Variants in DPEP1 observed in about 807,000 individuals in gnomAD.
The protein encoded by DPEP1 is dipeptidase 1.
Under a neutral mutation model 42.3 loss-of-function variants are expected in DPEP1, and 50 were observed. The observed-to-expected ratio is 1.18, with a 90% CI of 0.94 to 1.50. DPEP1 has a LOEUF of 1.50. DPEP1 is among the 40% of genes most tolerant of loss of function. The probability of loss-of-function intolerance (pLI) is 0.00; values close to 1 mark genes in which losing one functional copy is unlikely to be tolerated. For missense variants in DPEP1, 663 were observed against 553.0 expected, an observed-to-expected ratio of 1.20 and a Z score of -1.99; for synonymous variants, 297 against 234.0, an observed-to-expected ratio of 1.27 and a Z score of -2.46.
intron 1 of DPEP1, chr16:89,626,512 G>A (rs935873511): frequency 6.6e-6 from 1 of 152,100 alleles, no homozygotes; most frequent in African/African-American, 2.4e-5. Context: ...CACCGCGCCT[G>A]GCTAATTTTG....
At position 89,637,204 on chromosome 16, in the gene DPEP1, C is replaced by T. The variant is rs756123071; in HGVS notation, c.592C>T (p.Arg198Cys). Residue 198 changes from arginine to cysteine, a missense_variant and splice_region_variant, in exon 7 of 11, where the codon CGT (arginine) becomes TGT (cysteine). Physicochemically the swap from Arg to Cys is radical, Grantham distance 180. Coordinates refer to ENST00000690203, the MANE Select transcript of DPEP1 (RefSeq NM_001389466.1). ...GGTGGACGGAGCCCTGTCTTCCCAG[C>T]GTGTGGTGAAGGAGCTGAACCGTCT... ...QSQGLSPFGQ[R>C]VVKELNRLGV... is the part of the protein sequence containing the mutation. 18 of 1,611,210 alleles carry T rather than the reference C, an allele frequency of 1.1e-5. No individual in the cohort carries two copies. The highest frequency in any genetic ancestry group is 1.6e-4 in the Middle Eastern group (1 of 6,066).
Position 89,629,509 on chromosome 16 carries a change from A to AC in DPEP1, c.-106-787dup, listed in dbSNP as rs61452150. ...CCTCCTTCCCTGCCGGGCTCCCCCCACCCCCCCCCGAAGCCTCTGACCAGT... is the reference window on the plus strand; with the variant it reads ...CCTCCTTCCCTGCCGGGCTCCCCCCACCCCCCCCCCGAAGCCTCTGACCAGT... On this transcript the variant is annotated intron_variant, in intron 1 of 10. Transcript: ENST00000690203. 1.3e-3 allele frequency among the ~76,000 whole-genome samples: 144 copies of AC among 106,944 alleles called. No homozygotes were observed. In the South Asian group the frequency reaches 0.017, roughly 13 times the overall value. The allele number at this position is 106,944 out of a possible 152,430, so 70.2% of individuals were successfully genotyped here. A position where few individuals can be genotyped will look rare whatever the true frequency, so the allele number is the denominator to read the frequency against.
Position 89,637,366 on chromosome 16 carries a change from G to T in DPEP1, c.754G>T (p.Val252Phe). The change falls in exon 7 of 11, where the codon GTC becomes TTC. Residue 252 changes from valine to phenylalanine, a missense_variant. Coordinates refer to ENST00000690203, the MANE Select transcript of DPEP1 (RefSeq NM_001389466.1). ...AAGCCGGCGCAACGTGCCTGACGACGTCCTGAGGCTGGTGGTGAGGGCCGA... is the reference window on the plus strand; with the variant it reads ...AAGCCGGCGCAACGTGCCTGACGACTTCCTGAGGCTGGTGGTGAGGGCCGA... The part of the protein sequence containing the change: ...CASRRNVPDD[V>F]LRLVKQTDSL... 6.2e-7 allele frequency: 1 copy of T among 1,612,234 alleles called. No individual in the cohort carries two copies. Among genetic ancestry groups the T allele is most frequent in the Non-Finnish European group, 8.5e-7 (1 of 1,179,920 alleles).
chr16:89,640,235 T>C (rs2059733373), downstream of DPEP1, among the ~76,000 whole-genome samples: 2 of 151,906 alleles, frequency 1.3e-5, no homozygotes, highest in South Asian at 4.2e-4. Context: ...GCCCTGGGGG[T>C]GAGGGGACTG....
At chr16:89,614,329 C>A (rs1029914296) in intron 1 of DPEP1, among the ~76,000 whole-genome samples, 1 of 152,152 alleles carries the variant, frequency 6.6e-6, no homozygotes, top group Non-Finnish European at 1.5e-5. Flanking sequence ...GCTCACGTAC[C>A]CCTTCCTCCA....
chr16:89,617,575 C>T (rs929623001), intron 1 of DPEP1, among the ~76,000 whole-genome samples: 15 of 151,904 alleles, frequency 9.9e-5, no homozygotes, highest in African/African-American at 2.9e-4. Flanking sequence ...CGGCCGGGCG[C>T]GGCGGCTCAC....
chr16:89,625,619 TGC>T (rs982705209), intron 1 of DPEP1, among the ~76,000 whole-genome samples: 4 of 152,040 alleles, frequency 2.6e-5, no homozygotes, highest in African/African-American at 9.7e-5. Flanking sequence ...GGAGGGAGGT[TGC>T]AGAGTCCAGA....
rs918772442 is a variant in DPEP1 at position 89,614,010 on chromosome 16, G to A, written c.-107+291G>A. On this transcript the variant is annotated intron_variant, in intron 1 of 10. Transcript: ENST00000690203. ...ACCAGGTGTGTGGGGCAGGGGACGCGGCTGCTTCCTGGGATTCTAGGAAAC... is the reference window on the plus strand; with the variant it reads ...ACCAGGTGTGTGGGGCAGGGGACGCAGCTGCTTCCTGGGATTCTAGGAAAC... 3.3e-5 allele frequency among the ~76,000 whole-genome samples: 5 copies of A among 150,028 alleles called. 1 individual carries two copies. The highest frequency in any genetic ancestry group is 9.9e-5 in the African/African-American group (4 of 40,602).
At chr16:89,615,599 TCAGAGCCCACAGG>T (rs931601408) in intron 1 of DPEP1, among the ~76,000 whole-genome samples, 7 of 152,100 alleles carry the variant, frequency 4.6e-5, no homozygotes, top group Non-Finnish European at 1.0e-4. Flanking sequence ...TCCCAGGTCT[TCAGAGCCCACAGG>T]CAGAGCCCAC....
chr16:89,614,617 AC>A (rs2059363701), intron 1 of DPEP1, among the ~76,000 whole-genome samples: 1 of 152,014 alleles, frequency 6.6e-6, no homozygotes, highest in Non-Finnish European at 1.5e-5. Flanking sequence ...ACACGGTGAA[AC>A]CCCGTCTCTA....
intron 1 of DPEP1, among the ~76,000 whole-genome samples, chr16:89,618,873 C>T (rs1256909681): frequency 2.0e-5 from 3 of 151,866 alleles, no homozygotes; most frequent in Non-Finnish European, 4.4e-5. Context: ...GTACGCACAT[C>T]CCACCAGCAC....
chr16:89,630,482 G>C lies in DPEP1; in HGVS notation c.72G>C (p.Glu24Asp). 1 of 1,607,612 alleles carries C rather than the reference G, an allele frequency of 6.2e-7. No individual in the cohort carries two copies. The highest frequency in any genetic ancestry group is 1.4e-5 in the African/African-American group (1 of 73,882). Residue 24 changes from glutamate to aspartate, a missense_variant, in exon 2 of 11, where the codon GAG (glutamate) becomes GAC (aspartate). Glu to Asp is a conservative substitution (Grantham distance 45). Coordinates refer to ENST00000690203, the MANE Select transcript of DPEP1 (RefSeq NM_001389466.1). ...CAGACTTCTTTCGGGACGAGGCAGAGAGGATCATGAGGGACTCCCCTGTCA... is the reference window on the plus strand; with the variant it reads ...CAGACTTCTTTCGGGACGAGGCAGACAGGATCATGAGGGACTCCCCTGTCA... ...CTADFFRDEA[E>D]RIMRDSPVID... is the part of the protein sequence containing the mutation.
chr16:89,637,634 C>T lies in DPEP1; in HGVS notation c.856C>T (p.His286Tyr). The T allele has an allele frequency of 1.2e-6, 2 of 1,612,954 alleles. No homozygotes were observed. Among genetic ancestry groups the T allele is most frequent in the African/African-American group, 1.3e-5 (1 of 75,062 alleles). The change falls in exon 9 of 11, where the codon CAT becomes TAT. Residue 286 changes from histidine (H) to tyrosine (Y), a missense_variant and splice_region_variant. By Grantham distance (83) the His-to-Tyr change is moderately conservative (BLOSUM62 2). Transcript: ENST00000690203. ...NKANLSQVADHLDHIKEVAGA... is the reference protein window; with the variant it reads ...NKANLSQVADYLDHIKEVAGA... ...CATACCTGCTGCTCCCTGGACAGAC[C>T]ATCTGGATCACATCAAGGAGGTGGC...
In DPEP1 at chr16:89,623,288, C is replaced by T. The variant is rs76130668; in HGVS notation, c.-106-7017C>T. On this transcript the variant is annotated intron_variant, in intron 1 of 10. Transcript: ENST00000690203. ...TGGGCAGCATAGCAAAACCCCATCTCGTAAAAAAAAAAAAATGCTCATGCC... is the reference window on the plus strand; with the variant it reads ...TGGGCAGCATAGCAAAACCCCATCTTGTAAAAAAAAAAAAATGCTCATGCC... Among the ~76,000 whole-genome samples the T allele has an allele frequency of 9.5e-3, 1,417 of 148,494 alleles. 30 individuals are homozygous for T. The highest frequency in any genetic ancestry group is 0.033 in the African/African-American group (1,356 of 40,814).
intron 10 of DPEP1, 38 bp from the exon 11 acceptor site, chr16:89,638,014 G>A: frequency 6.2e-7 from 1 of 1,609,612 alleles, no homozygotes; most frequent in Non-Finnish European, 8.5e-7. Context: ...ACCACCACCA[G>A]CAGGCAGGCT....
intron 1 of DPEP1, among the ~76,000 whole-genome samples, chr16:89,624,568 A>T (rs1445473728): frequency 6.6e-6 from 1 of 151,352 alleles, no homozygotes; most frequent in African/African-American, 2.4e-5. Context: ...GGAGTCTCAC[A>T]CCGTCGCCCG....
intron 1 of DPEP1, among the ~76,000 whole-genome samples, chr16:89,624,208 A>T (rs1406473423): frequency 6.6e-6 from 1 of 152,066 alleles, no homozygotes; most frequent in African/African-American, 2.4e-5. Flanking sequence ...CTCCAAAGAA[A>T]TCCCCGAGGC....
At chr16:89,631,488 G>C (rs978466774) in intron 2 of DPEP1, among the ~76,000 whole-genome samples, 38 of 152,212 alleles carry the variant, frequency 2.5e-4, no homozygotes, top group African/African-American at 9.2e-4. Context: ...TCTCCACCTG[G>C]AAAATGCCTC....
At chr16:89,621,613 C>T (rs2059447161) in intron 1 of DPEP1, among the ~76,000 whole-genome samples, 1 of 152,194 alleles carries the variant, frequency 6.6e-6, no homozygotes, top group Non-Finnish European at 1.5e-5. Context: ...TGCCAGGCCC[C>T]ATGGGTGGTC....
Sources: allele counts gnomAD v4.1 joint callset (sites outside exome capture counted in the v4.1 genomes callset), GRCh38; gene constraint gnomAD v4.1.1; transcripts MANE v1.5; gene names NCBI Gene and HGNC (gene_info 2026-07-23, HGNC 2026-07-21).